ZNF586: variants seen among roughly 807,000 people sequenced by gnomAD.
ZNF586 encodes the protein zinc finger protein 586.
Under a neutral mutation model 6.7 loss-of-function variants are expected in ZNF586, and 7 were observed. The ratio of observed to expected loss-of-function variants is 1.04; its 90% CI spans 0.59 to 1.95. The LOEUF is 1.95. Among genes scored for constraint, ZNF586 ranks in the 30% most tolerant of loss-of-function variants. The pLI is 0.00. For missense variants in ZNF586, 442 were observed against 489.6 expected, an observed-to-expected ratio of 0.90 and a Z score of 0.92; for synonymous variants, 166 against 168.7, an observed-to-expected ratio of 0.98 and a Z score of 0.12.
At position 57,779,451 on chromosome 19, in the gene ZNF586, G is replaced by A. The variant is rs1600081835; in HGVS notation, c.864G>A (p.Arg288=). 4 of 1,614,130 alleles carry A rather than the reference G, an allele frequency of 2.5e-6. No individual in the cohort carries two copies. The highest frequency in any genetic ancestry group is 3.4e-6 in the Non-Finnish European group (4 of 1,180,042). Residue 288 remains arginine (R), a synonymous_variant, in exon 3 of 3, where the codon AGG becomes AGA. Coordinates refer to ENST00000396154, the MANE Select transcript of ZNF586 (RefSeq NM_017652.4). ...ATCAGAGAGTTCACACTAGAGAAAG[G>A]CCTTATGAATGTAGTGAATGTGGGA... ...LQHQRVHTRE[R]PYECSECGKS...
chr19:57,777,339 G>C (rs1259447458), intron 2 of ZNF586, among the ~76,000 whole-genome samples: 1 of 152,082 alleles, frequency 6.6e-6, no homozygotes, highest in Non-Finnish European at 1.5e-5. Context: ...ACATTATCGA[G>C]TTTCCATGTA....
At chr19:57,770,026 A>C in intron 1 of ZNF586, 148 bp downstream of exon 1, 1 of 761,590 alleles carries the variant, frequency 1.3e-6, no homozygotes. Flanking sequence ...TGTTTCCGAC[A>C]CCCAGTTGAT....
At chr19:57,774,568 A>T (rs1987180892) in intron 1 of ZNF586, among the ~76,000 whole-genome samples, 1 of 146,774 alleles carries the variant, frequency 6.8e-6, no homozygotes, top group Non-Finnish European at 1.5e-5. Flanking sequence ...ATAAATAAAT[A>T]AATAAAAAGT....
rs898414063 is a variant in ZNF586 at position 57,769,830 on chromosome 19, C to CA, written c.-13_-12insA. The CA allele has an allele frequency of 1.9e-6, 3 of 1,545,906 alleles. No individual in the cohort carries two copies. Among genetic ancestry groups the CA allele is most frequent in the East Asian group, 2.5e-5 (1 of 40,598 alleles). ...AACACCGCCGAGCCCGCGTTCCCCC[C>CA]CCGCCCAGAGTCATGGCGGCAGCAG... On this transcript the variant is annotated 5_prime_UTR_variant, in exon 1 of 3. Transcript: ENST00000396154.
chr19:57,772,698 A>C (rs1371818210), intron 1 of ZNF586, among the ~76,000 whole-genome samples: 1 of 152,160 alleles, frequency 6.6e-6, no homozygotes, highest in African/African-American at 2.4e-5. Context: ...CAGAGCTTTT[A>C]TGATCTTCAG....
Position 57,779,776 on chromosome 19 carries a change from G to A in ZNF586, c.1189G>A (p.Gly397Arg). 1.3e-6 allele frequency: 2 copies of A among 1,595,934 alleles called. No individual in the cohort carries two copies. Among genetic ancestry groups the A allele is most frequent in the Non-Finnish European group, 8.5e-7 (1 of 1,170,698 alleles). The change falls in exon 3 of 3, where the codon GGA (glycine) becomes AGA (arginine). Residue 397 changes from glycine (G) to arginine (R), a missense_variant. Coordinates refer to ENST00000396154, the MANE Select transcript of ZNF586 (RefSeq NM_017652.4). ...SFRRHQRVHT[G>R]MRPYK ...CCGTCGCCATCAGAGAGTTCATACT[G>A]GAATGAGGCCTTATAAGTGAAGCAA...
At chr19:57,774,869 G>A in intron 1 of ZNF586, 1 of 465,724 alleles carries the variant, frequency 2.1e-6, no homozygotes, top group South Asian at 9.1e-5. Context: ...ACCTCACATG[G>A]TCTGAGTGCA....
At chr19:57,778,031 C>T (rs938516032) in intron 2 of ZNF586, among the ~76,000 whole-genome samples, 1 of 150,766 alleles carries the variant, frequency 6.6e-6, no homozygotes, top group Non-Finnish European at 1.5e-5. Context: ...GCTGGGATTA[C>T]AGGTGTGAGC....
chr19:57,774,649 G>C (rs891762824), intron 1 of ZNF586: 6 of 530,714 alleles, frequency 1.1e-5, no homozygotes, highest in Non-Finnish European at 1.4e-5. Flanking sequence ...AATGCTAGTG[G>C]TTCTTTTTGT....
At chr19:57,771,215 C>G (rs1278705844) in intron 1 of ZNF586, among the ~76,000 whole-genome samples, 3 of 150,950 alleles carry the variant, frequency 2.0e-5, no homozygotes, top group African/African-American at 4.9e-5. Context: ...GCAGGAGAAT[C>G]GCTTGAACCC....
rs766398317 is a variant in ZNF586 at position 57,776,525 on chromosome 19, C to G, written c.37-18C>G. ...GCATAGGGGCCATTTGTGGTTTCATCTATCCCCATCATAACAGAGCAGTGT... is the reference window on the plus strand; with the variant it reads ...GCATAGGGGCCATTTGTGGTTTCATGTATCCCCATCATAACAGAGCAGTGT... On this transcript the variant is annotated intron_variant, in intron 1 of 2. Transcript: ENST00000396154. The G allele has an allele frequency of 8.7e-5, 140 of 1,606,736 alleles. 1 individual carries two copies. In the South Asian group the frequency reaches 1.5e-3, roughly 17 times the overall value.
intron 1 of ZNF586, among the ~76,000 whole-genome samples, chr19:57,774,250 C>T (rs1350068481): frequency 4.7e-5 from 6 of 128,548 alleles, no homozygotes; most frequent in South Asian, 4.9e-4. Context: ...CAGCCGGGCG[C>T]GGTGGCTCAC....
At chr19:57,777,482 C>G (rs1393608004) in intron 2 of ZNF586, among the ~76,000 whole-genome samples, 2 of 152,112 alleles carry the variant, frequency 1.3e-5, no homozygotes, top group South Asian at 2.1e-4. Flanking sequence ...CATCAGGGCT[C>G]TATTCAAATT....
rs1359593842 is a variant in ZNF586, at chr19:57,769,814, G to A, written c.-29G>A. The stretch of plus-strand genomic sequence containing the variant: ...ACAGGACAACGACAGGAACACCGCC[G>A]AGCCCGCGTTCCCCCCCCGCCCAGA... On this transcript the variant is annotated 5_prime_UTR_variant, in exon 1 of 3. Transcript: ENST00000396154. 14 of 1,537,140 alleles carry A rather than the reference G, an allele frequency of 9.1e-6. No individual in the cohort carries two copies. In the African/African-American group the frequency reaches 1.8e-4, roughly 20 times the overall value.
At chr19:57,769,903 T>TTGGCCCCCC in intron 1 of ZNF586, 25 bp downstream of exon 1, 10 of 1,475,820 alleles carry the variant, frequency 6.8e-6, no homozygotes, top group Non-Finnish European at 8.2e-6. Flanking sequence ...CTCCGGGCCT[T>TTGGCCCCCC]ACCCACCCTA....
rs1276031147 is a variant in ZNF586, at chr19:57,778,802, G to A, written c.215G>A (p.Cys72Tyr). ...GCAGCACCTTCTAAGCAGAGCACGT[G>A]TATACATATATACAAAGACCAGGGA... ...DEAAPSKQST[C>Y]IHIYKDQGGH... The change falls in exon 3 of 3, where the codon TGT becomes TAT. Residue 72 changes from cysteine (C) to tyrosine (Y), a missense_variant. Physicochemically the swap from Cys to Tyr is radical, Grantham distance 194. Coordinates refer to ENST00000396154, the MANE Select transcript of ZNF586 (RefSeq NM_017652.4). 2 of 1,613,982 alleles carry A rather than the reference G, an allele frequency of 1.2e-6. No individual in the cohort carries two copies. The highest frequency in any genetic ancestry group is 4.5e-5 in the East Asian group (2 of 44,900).
intron 1 of ZNF586, among the ~76,000 whole-genome samples, chr19:57,775,786 G>C (rs1034961650): frequency 2.0e-5 from 3 of 152,064 alleles, no homozygotes; most frequent in Non-Finnish European, 2.9e-5. Context: ...TATTTTAGTA[G>C]AGACGGGGTT....
At position 57,778,852 on chromosome 19, in the gene ZNF586, G is replaced by A. The variant is rs1293241826; in HGVS notation, c.265G>A (p.Glu89Lys). The change falls in exon 3 of 3, where the codon GAG becomes AAG. Residue 89 changes from glutamate to lysine, a missense_variant. Coordinates refer to ENST00000396154, the MANE Select transcript of ZNF586 (RefSeq NM_017652.4). ...QGGHSGERPYECGEYRKLFKN... is the reference protein window; with the variant it reads ...QGGHSGERPYKCGEYRKLFKN... ...AGGTCATAGTGGAGAAAGGCCTTAT[G>A]AGTGTGGGGAATATAGGAAATTATT... The A allele has an allele frequency of 1.2e-6, 2 of 1,614,076 alleles. No homozygotes were observed. Among genetic ancestry groups the A allele is most frequent in the East Asian group, 2.2e-5 (1 of 44,894 alleles).
chr19:57,774,701 T>G, intron 1 of ZNF586: 2 of 976,744 alleles, frequency 2.0e-6, no homozygotes, highest in Non-Finnish European at 2.4e-6. Flanking sequence ...GATTTGGGGC[T>G]ACCATTGCTA....
Sources: allele counts gnomAD v4.1 joint callset (sites outside exome capture counted in the v4.1 genomes callset), GRCh38; gene constraint gnomAD v4.1.1; transcripts MANE v1.5; gene names NCBI Gene and HGNC (gene_info 2026-07-23, HGNC 2026-07-21).